The following FUT8 variants were observed in gnomAD, a reference collection of about 807,000 sequenced individuals.
The protein encoded by FUT8 is fucosyltransferase 8, also known as alpha-(1,6)-fucosyltransferase.
In FUT8, 29 loss-of-function variants were observed where a neutral mutation model predicts 71.3. The ratio of observed to expected loss-of-function variants is 0.41; its 90% CI spans 0.30 to 0.55. The LOEUF is 0.55. Among genes scored for constraint, FUT8 ranks in the 20% least tolerant of loss-of-function variants. The pLI is 0.34. For missense variants in FUT8, 544 were observed against 702.1 expected, an observed-to-expected ratio of 0.77 and a Z score of 2.55; for synonymous variants, 254 against 239.3, an observed-to-expected ratio of 1.06 and a Z score of -0.57.
At chr14:65,487,176 G>C (rs960484413) in intron 2 of FUT8, among the ~76,000 whole-genome samples, 1 of 152,312 alleles carries the variant, frequency 6.6e-6, no homozygotes, top group East Asian at 1.9e-4. Flanking sequence ...GTCAGGCAAA[G>C]TTCAGTTTGA....
chr14:65,629,829 T>TACACAC lies in FUT8; in HGVS notation c.597+247_597+252dup, dbSNP rs3079115. On this transcript the variant is annotated intron_variant, in intron 6 of 10. Coordinates refer to ENST00000673929, the MANE Select transcript of FUT8 (RefSeq NM_001371533.1). Reference sequence around the variant, plus strand: ...TAAAGGGAGCTACTTCTTACACACGTACACACACACACACACACACACACA... The same window carrying TACACAC: ...TAAAGGGAGCTACTTCTTACACACGTACACACACACACACACACACACACACACACA... Among the ~76,000 whole-genome samples the TACACAC allele has an allele frequency of 0.058, 8,585 of 148,026 alleles. 293 individuals carry two copies. The highest frequency in any genetic ancestry group is 0.072 in the Non-Finnish European group (4,810 of 66,866).
intron 2 of FUT8, among the ~76,000 whole-genome samples, chr14:65,505,306 G>GTTTTTTTTT (rs1001286768): frequency 3.1e-5 from 3 of 95,772 alleles, no homozygotes; most frequent in Admixed American, 1.2e-4. Flanking sequence ...CTACATTTCA[G>GTTTTTTTTT]TTTTTTTTTT....
At chr14:65,465,310 C>T (rs961771264) in intron 2 of FUT8, among the ~76,000 whole-genome samples, 1 of 152,090 alleles carries the variant, frequency 6.6e-6, no homozygotes, top group Non-Finnish European at 1.5e-5. Flanking sequence ...CTTAGTCCTG[C>T]TTTGCTGCAT....
At chr14:65,686,664 T>C (rs980437766) in intron 7 of FUT8, among the ~76,000 whole-genome samples, 2 of 152,224 alleles carry the variant, frequency 1.3e-5, no homozygotes, top group Non-Finnish European at 2.9e-5. Flanking sequence ...GGAGGTTGAT[T>C]GTCAGTTTGA....
intron 1 of FUT8, among the ~76,000 whole-genome samples, chr14:65,441,661 A>G (rs375358732): frequency 6.7e-6 from 1 of 150,350 alleles, no homozygotes; most frequent in South Asian, 2.1e-4. Context: ...GCTGAAGCAT[A>G]AGAATTGCCT....
At chr14:65,688,150 C>G (rs1230874764) in intron 7 of FUT8, among the ~76,000 whole-genome samples, 1 of 152,156 alleles carries the variant, frequency 6.6e-6, no homozygotes, top group Non-Finnish European at 1.5e-5. Context: ...GTACAATTCT[C>G]TTGCTTTTGC....
At chr14:65,568,138 A>G (rs767922627) in intron 3 of FUT8, among the ~76,000 whole-genome samples, 16 of 151,504 alleles carry the variant, frequency 1.1e-4, no homozygotes, top group Non-Finnish European at 1.6e-4. Flanking sequence ...TCTCATGTCA[A>G]TTTTGGTGAG....
At chr14:65,368,925 G>T in the FUT8 span, among the ~76,000 whole-genome samples, 1 of 152,188 alleles carries the variant, frequency 6.6e-6, no homozygotes, top group Non-Finnish European at 1.5e-5. Flanking sequence ...CTCCCAAAGT[G>T]TTGGGATTAC....
At chr14:65,527,628 A>C in intron 2 of FUT8, among the ~76,000 whole-genome samples, 1 of 151,952 alleles carries the variant, frequency 6.6e-6, no homozygotes, top group South Asian at 2.1e-4. Flanking sequence ...AGGCGCTCTG[A>C]TTTTTAGAAT....
At chr14:65,611,262 C>CCT (rs1888950801) in intron 3 of FUT8, among the ~76,000 whole-genome samples, 1 of 84,860 alleles carries the variant, frequency 1.2e-5, no homozygotes, top group African/African-American at 8.2e-5. Flanking sequence ...CACACACACA[C>CCT]ACACACACAC....
chr14:65,482,816 C>T (rs568460492), intron 2 of FUT8, among the ~76,000 whole-genome samples: 19 of 152,210 alleles, frequency 1.2e-4, no homozygotes, highest in African/African-American at 4.6e-4. Flanking sequence ...TAAGTTTTGC[C>T]AGTACAGAGT....
rs1255777471 is a variant in FUT8, at chr14:65,742,876, A to G, written c.*466A>G. The G allele has an allele frequency of 2.0e-5, 3 of 153,052 alleles. No individual in the cohort carries two copies. In the South Asian group the frequency reaches 6.2e-4, roughly 31 times the overall value. 9.5% of individuals were successfully genotyped at this position (153,052 alleles called of 1,614,324 possible). ...GTATTGTGACCACTGAATTCACTCC[A>G]GTCAACAGATTCAGAATGAGAATGG... On this transcript the variant is annotated 3_prime_UTR_variant, in exon 11 of 11. Coordinates refer to ENST00000673929, the MANE Select transcript of FUT8 (RefSeq NM_001371533.1).
upstream of FUT8, among the ~76,000 whole-genome samples, chr14:65,406,638 T>G (rs1017309689): frequency 3.9e-5 from 6 of 152,188 alleles, no homozygotes; most frequent in Admixed American, 3.3e-4. Flanking sequence ...TGGGTTCAAA[T>G]GATTCTCCTG....
At chr14:65,426,850 C>T (rs1415876541) in intron 1 of FUT8, among the ~76,000 whole-genome samples, 2 of 152,058 alleles carry the variant, frequency 1.3e-5, no homozygotes, top group African/African-American at 4.8e-5. Flanking sequence ...CACATGCACA[C>T]ATAACACATT....
chr14:65,597,104 A>G (rs1407466638), intron 3 of FUT8, among the ~76,000 whole-genome samples: 1 of 152,190 alleles, frequency 6.6e-6, no homozygotes, highest in African/African-American at 2.4e-5. Flanking sequence ...TGTTATTTTC[A>G]TAGTACAGAT....
chr14:65,527,602 G>GTGAGGAGCTGCGTT (rs1883583098), intron 2 of FUT8, among the ~76,000 whole-genome samples: 1 of 151,688 alleles, frequency 6.6e-6, no homozygotes. Context: ...TCTGTTGCTG[G>GTGAGGAGCTGCGTT]CCTTTGGAGG....
At chr14:65,647,186 T>C (rs1214750571) in intron 6 of FUT8, among the ~76,000 whole-genome samples, 2 of 152,214 alleles carry the variant, frequency 1.3e-5, no homozygotes, top group Non-Finnish European at 2.9e-5. Flanking sequence ...ATTTGATAGA[T>C]GATAAAATAC....
chr14:65,662,443 G>A (rs1892013602), intron 6 of FUT8, among the ~76,000 whole-genome samples: 1 of 152,074 alleles, frequency 6.6e-6, no homozygotes, highest in Non-Finnish European at 1.5e-5. Context: ...GAAGAATCCT[G>A]TTATATCTTA....
At chr14:65,557,434 G>A (rs1005378705) in intron 2 of FUT8, among the ~76,000 whole-genome samples, 1 of 150,922 alleles carries the variant, frequency 6.6e-6, no homozygotes, top group Non-Finnish European at 1.5e-5. Flanking sequence ...CCAGGTTCAA[G>A]GAATTCTCTG....
Sources: gnomAD v4.1 joint callset for allele counts (sites outside exome capture counted in the v4.1 genomes callset) on GRCh38, gnomAD v4.1.1 for gene constraint, MANE v1.5 for transcripts, NCBI Gene and HGNC (gene_info 2026-07-23, HGNC 2026-07-21) for gene names.